Variants in CHCHD6 observed in about 807,000 individuals in gnomAD.
CHCHD6 encodes the protein MICOS complex subunit MIC25.
In CHCHD6, 28 loss-of-function variants were observed where a neutral mutation model predicts 32.3. The observed-to-expected ratio is 0.87, with a 90% CI of 0.64 to 1.19. The LOEUF is 1.19. CHCHD6 is among the 50% of genes most tolerant of loss of function. CHCHD6 has a pLI of 0.00. For synonymous variants in CHCHD6, 122 were observed against 117.5 expected (o/e 1.04, Z -0.25); for missense variants, 333 against 307.0 (o/e 1.08, Z -0.63).
rs146121778 is a variant in CHCHD6, at chr3:126,872,427, G to A, written c.495+19697G>A. 1.1e-3 allele frequency among the ~76,000 whole-genome samples: 172 copies of A among 152,180 alleles called. No individual in the cohort carries two copies. The East Asian group carries it at 0.017, about 15-fold the overall frequency. ...TATTTGGGGCAACTTTGTATACCTC[G>A]TAATCACCTGAAGTGCTCGGTAAAA... On this transcript the variant is annotated intron_variant, in intron 5 of 7. Coordinates refer to ENST00000290913, the MANE Select transcript of CHCHD6 (RefSeq NM_032343.3).
intron 4 of CHCHD6, among the ~76,000 whole-genome samples, chr3:126,842,439 A>G (rs1159615177): frequency 1.3e-5 from 2 of 152,206 alleles, no homozygotes; most frequent in African/African-American, 2.4e-5. Context: ...TGATCCACCA[A>G]TGATTTTTAC....
At chr3:126,767,466 GA>G in intron 4 of CHCHD6, 1 of 633,012 alleles carries the variant, frequency 1.6e-6, no homozygotes, top group Non-Finnish European at 2.9e-6. Context: ...GATTTCCAAA[GA>G]ATCTTTCCTG....
intron 4 of CHCHD6, among the ~76,000 whole-genome samples, chr3:126,803,816 A>G (rs1939208685): frequency 6.6e-6 from 1 of 152,194 alleles, no homozygotes; most frequent in Non-Finnish European, 1.5e-5. Context: ...GTTGGAAGTA[A>G]AGCTCTCCTC....
At chr3:126,956,352 G>GA (rs1484974780) in intron 6 of CHCHD6, among the ~76,000 whole-genome samples, 3 of 152,188 alleles carry the variant, frequency 2.0e-5, no homozygotes, top group African/African-American at 7.2e-5. Context: ...ACCCACTTAA[G>GA]AAAACAAATG....
chr3:126,764,126 A>G (rs1358875356), intron 4 of CHCHD6, among the ~76,000 whole-genome samples: 1 of 149,954 alleles, frequency 6.7e-6, no homozygotes, highest in Non-Finnish European at 1.5e-5. Context: ...CAATTATATC[A>G]TTTATTTAAA....
chr3:126,874,508 C>T (rs1163313746), intron 5 of CHCHD6, among the ~76,000 whole-genome samples: 1 of 152,150 alleles, frequency 6.6e-6, no homozygotes, highest in Non-Finnish European at 1.5e-5. Flanking sequence ...GGCTCCTCAT[C>T]ACCTGAGGCT....
intron 6 of CHCHD6, among the ~76,000 whole-genome samples, chr3:126,950,509 T>G (rs1166806298): frequency 6.6e-6 from 1 of 152,244 alleles, no homozygotes; most frequent in Non-Finnish European, 1.5e-5. Flanking sequence ...TGGAGTGCAG[T>G]GGCACGCTCT....
chr3:126,780,591 ATCT>A (rs1196315883), intron 4 of CHCHD6, among the ~76,000 whole-genome samples: 4 of 152,258 alleles, frequency 2.6e-5, no homozygotes, highest in African/African-American at 7.2e-5. Flanking sequence ...TTGGAGGGTC[ATCT>A]TCTTGATTCT....
chr3:126,894,941 CTCT>C (rs1228238902), intron 5 of CHCHD6, among the ~76,000 whole-genome samples: 1 of 152,218 alleles, frequency 6.6e-6, no homozygotes, highest in Admixed American at 6.5e-5. Flanking sequence ...AATTGAACAC[CTCT>C]TTTCTGCCAA....
intron 4 of CHCHD6, among the ~76,000 whole-genome samples, chr3:126,785,966 A>C (rs904054221): frequency 2.0e-5 from 3 of 152,100 alleles, no homozygotes; most frequent in Non-Finnish European, 4.4e-5. Context: ...TCCTAATGCT[A>C]TCCCTTCCCT....
rs749139025 is a variant in CHCHD6, at chr3:126,748,980, G to T, written c.411+15758G>T. 1.3e-5 allele frequency among the ~76,000 whole-genome samples: 2 copies of T among 152,346 alleles called. 1 individual carries two copies. The highest frequency in any genetic ancestry group is 4.1e-4 in the South Asian group (2 of 4,828). On this transcript the variant is annotated intron_variant, in intron 4 of 7. Coordinates refer to ENST00000290913, the MANE Select transcript of CHCHD6 (RefSeq NM_032343.3). Reference sequence around the variant, plus strand: ...TAGTGATGCCCTAATTTAGATTGAGGTCAGCTAATGCTTCTCTGAGGAGTG... The same window carrying T: ...TAGTGATGCCCTAATTTAGATTGAGTTCAGCTAATGCTTCTCTGAGGAGTG...
intron 4 of CHCHD6, among the ~76,000 whole-genome samples, chr3:126,761,371 C>A (rs1264241261): frequency 6.6e-6 from 1 of 152,178 alleles, no homozygotes; most frequent in Admixed American, 6.5e-5. Context: ...TTTTCCTCTT[C>A]AAAGGACACC....
intron 4 of CHCHD6, among the ~76,000 whole-genome samples, chr3:126,755,610 G>A (rs1936921184): frequency 6.6e-6 from 1 of 152,152 alleles, no homozygotes; most frequent in African/African-American, 2.4e-5. Context: ...AGGCACAACT[G>A]TCTCATTAAA....
At chr3:126,897,134 G>C (rs1213637536) in intron 5 of CHCHD6, among the ~76,000 whole-genome samples, 1 of 152,224 alleles carries the variant, frequency 6.6e-6, no homozygotes, top group Non-Finnish European at 1.5e-5. Context: ...TTCGGGGAGA[G>C]AGAGAGCCAT....
intron 5 of CHCHD6, among the ~76,000 whole-genome samples, chr3:126,863,212 A>T (rs1379576768): frequency 5.0e-4 from 36 of 72,434 alleles, no homozygotes; most frequent in Admixed American, 1.0e-3. Flanking sequence ...CTTCCCCTCT[A>T]CCACCATCAC....
intron 4 of CHCHD6, among the ~76,000 whole-genome samples, chr3:126,778,474 G>A (rs1328072038): frequency 6.6e-6 from 1 of 152,184 alleles, no homozygotes; most frequent in African/African-American, 2.4e-5. Context: ...ATGTGATGTG[G>A]TATCTCATTG....
chr3:126,717,117 C>A (rs1040173997), intron 1 of CHCHD6, among the ~76,000 whole-genome samples: 1 of 152,094 alleles, frequency 6.6e-6, no homozygotes, highest in Non-Finnish European at 1.5e-5. Context: ...AGGCTTTGGT[C>A]CTGTGGCTTC....
At chr3:126,824,608 C>T (rs1301892641) in intron 4 of CHCHD6, among the ~76,000 whole-genome samples, 5 of 121,054 alleles carry the variant, frequency 4.1e-5, no homozygotes, top group South Asian at 2.9e-4. Flanking sequence ...ATTTTTGAGA[C>T]GGACCTTCAC....
chr3:126,876,825 A>G (rs754083967), intron 5 of CHCHD6, among the ~76,000 whole-genome samples: 8 of 152,228 alleles, frequency 5.3e-5, no homozygotes, highest in African/African-American at 1.9e-4. Context: ...TTGAAGAAGA[A>G]AAAGAGTTAT....
Sources: allele counts gnomAD v4.1 joint callset (sites outside exome capture counted in the v4.1 genomes callset), GRCh38; gene constraint gnomAD v4.1.1; transcripts MANE v1.5; gene names NCBI Gene and HGNC (gene_info 2026-07-23, HGNC 2026-07-21).